Variants in WAC observed in about 807,000 individuals in gnomAD.
The protein encoded by WAC is WW domain containing adaptor with coiled-coil, also known as WW domain-containing adapter protein with coiled-coil.
In WAC, 11 loss-of-function variants were observed where a neutral mutation model predicts 79.6. The observed-to-expected ratio is 0.14, with a 90% CI of 0.09 to 0.23. The LOEUF (loss-of-function observed/expected upper bound fraction) is 0.23. Ranked by LOEUF, WAC falls within the 10% of genes least tolerant of loss-of-function variation. The pLI is 1.00. For synonymous variants in WAC, 304 were observed against 276.9 expected (o/e 1.10, Z -0.97); for missense variants, 728 against 773.5 (o/e 0.94, Z 0.70).
intron 7 of WAC, among the ~76,000 whole-genome samples, chr10:28,606,449 G>A (rs1297184894): frequency 6.6e-6 from 1 of 152,172 alleles, no homozygotes; most frequent in African/African-American, 2.4e-5. Context: ...CTGGATTCAA[G>A]CACCTTCCTT....
chr10:28,609,728 G>A (rs905411631), intron 8 of WAC, among the ~76,000 whole-genome samples: 3 of 152,108 alleles, frequency 2.0e-5, no homozygotes, highest in African/African-American at 7.2e-5. Context: ...CAAAAACTTA[G>A]CCAGGTGTGG....
At chr10:28,597,058 TGTTATATGCATGTAATACATG>T (rs1194130617) in intron 7 of WAC, among the ~76,000 whole-genome samples, 4 of 145,414 alleles carry the variant, frequency 2.8e-5, no homozygotes, top group African/African-American at 1.1e-4. Flanking sequence ...TCTTATTACA[TGTTATATGCATGTAATACATG>T]CATATGTATT....
Position 28,533,395 on chromosome 10 carries a change from C to G in WAC, c.-185C>G, listed in dbSNP as rs541839705. ...CCCCGGCTGAGAGTGAGCGTGGTGT[C>G]GACGGAGGGAGATGGCCCGGGAGCG... On this transcript the variant is annotated 5_prime_UTR_variant, in exon 1 of 14. Coordinates refer to ENST00000354911, the MANE Select transcript of WAC (RefSeq NM_016628.5). 24 of 162,148 alleles carry G rather than the reference C, an allele frequency of 1.5e-4. 1 individual carries two copies. The South Asian group carries it at 4.0e-3, about 27-fold the overall frequency. 10.0% of individuals were successfully genotyped at this position (162,148 alleles called of 1,614,324 possible).
At chr10:28,610,911 C>A (rs1337697676) in intron 9 of WAC, 90 bp downstream of exon 9, 2 of 1,256,084 alleles carry the variant, frequency 1.6e-6, no homozygotes, top group Non-Finnish European at 1.0e-6. Context: ...TTTTTTCTTT[C>A]ATTTTTTTTT....
chr10:28,577,735 A>T (rs2132592124), intron 3 of WAC, among the ~76,000 whole-genome samples: 1 of 152,240 alleles, frequency 6.6e-6, no homozygotes, highest in East Asian at 1.9e-4. Flanking sequence ...GTTTATTTTT[A>T]GCATATTGCC....
At chr10:28,614,476 A>T in intron 10 of WAC, 91 bp from the exon 11 acceptor site, 1 of 358,810 alleles carries the variant, frequency 2.8e-6, no homozygotes, top group Non-Finnish European at 4.4e-6. Context: ...TGACTGCCAC[A>T]TTTTACATGT....
chr10:28,563,205 G>A (rs780189614), intron 3 of WAC, among the ~76,000 whole-genome samples: 1 of 152,014 alleles, frequency 6.6e-6, no homozygotes, highest in East Asian at 1.9e-4. Context: ...GCATGTGGCC[G>A]AGCATTTTAG....
chr10:28,583,797 CT>C lies in WAC; in HGVS notation c.381+294del, dbSNP rs912918252. On this transcript the variant is annotated intron_variant, in intron 4 of 13. Coordinates refer to ENST00000354911, the MANE Select transcript of WAC (RefSeq NM_016628.5). ...GTTGTGATATCTGAGATAAAAAGAA[CT>C]TCAGGCTGAAACTTCTTTAAAGTGG... Among the ~76,000 whole-genome samples the C allele has an allele frequency of 2.0e-5, 3 of 152,078 alleles. No individual in the cohort carries two copies. The East Asian group carries it at 5.8e-4, about 29-fold the overall frequency.
intron 11 of WAC, chr10:28,615,612 C>T (rs1226700451): frequency 6.6e-6 from 1 of 152,186 alleles, no homozygotes; most frequent in African/African-American, 2.4e-5. Flanking sequence ...TTTTGGTTCT[C>T]ACCACCATAT....
intron 7 of WAC, among the ~76,000 whole-genome samples, chr10:28,605,343 C>A (rs1179053945): frequency 2.0e-5 from 3 of 152,184 alleles, no homozygotes; most frequent in African/African-American, 7.2e-5. Context: ...GCCCAGGCTT[C>A]CGTTCAGTAA....
intron 8 of WAC, among the ~76,000 whole-genome samples, chr10:28,609,407 C>G (rs142490732): frequency 6.6e-6 from 1 of 152,176 alleles, no homozygotes; most frequent in Non-Finnish European, 1.5e-5. Context: ...TACATTTTCA[C>G]ATAATATACT....
upstream of WAC, chr10:28,532,828 C>T (rs1282579579): frequency 6.5e-6 from 1 of 152,994 alleles, no homozygotes; most frequent in Non-Finnish European, 1.5e-5. Context: ...CGGAAGGCGG[C>T]TCCCTCCCTG....
chr10:28,558,641 C>T (rs1236012330), intron 3 of WAC, among the ~76,000 whole-genome samples: 1 of 152,148 alleles, frequency 6.6e-6, no homozygotes, highest in East Asian at 1.9e-4. Flanking sequence ...TGTTGTTCCT[C>T]ATTGCCTTCA....
At chr10:28,617,876 A>C in intron 13 of WAC, 92 bp downstream of exon 13, 15 of 1,393,604 alleles carry the variant, frequency 1.1e-5, no homozygotes, top group Non-Finnish European at 1.4e-5. Context: ...TATTTATGAA[A>C]TGTAAAGTTC....
At chr10:28,595,350 G>A (rs147106303) in intron 6 of WAC, among the ~76,000 whole-genome samples, 25 of 152,104 alleles carry the variant, frequency 1.6e-4, no homozygotes, top group African/African-American at 4.8e-4. Flanking sequence ...GTAAAAGAAC[G>A]AAGCATTTAC....
At chr10:28,556,458 C>T (rs1426109351) in intron 3 of WAC, among the ~76,000 whole-genome samples, 9 of 115,374 alleles carry the variant, frequency 7.8e-5, no homozygotes, top group Admixed American at 4.8e-4. Context: ...GGATACTTAA[C>T]CCCTTATCAC....
chr10:28,557,345 G>A (rs558875283), intron 3 of WAC, among the ~76,000 whole-genome samples: 1 of 152,138 alleles, frequency 6.6e-6, no homozygotes. Flanking sequence ...AGTGTCATTA[G>A]CTATATAAAG....
rs1839745686 is a variant in WAC at position 28,585,063 on chromosome 10, C to G, written c.381+1558C>G. Among the ~76,000 whole-genome samples the G allele has an allele frequency of 3.3e-5, 5 of 151,770 alleles. No individual in the cohort carries two copies. The South Asian group carries it at 1.0e-3, about 32-fold the overall frequency. On this transcript the variant is annotated intron_variant, in intron 4 of 13. Coordinates refer to ENST00000354911, the MANE Select transcript of WAC (RefSeq NM_016628.5). ...AGCCTGGGTGACAGAGCAAGACTGT[C>G]TCAAAAAAGAAAAGAAAATCATGTT... is the stretch of plus-strand genomic sequence containing the variant.
At chr10:28,588,286 A>G (rs1166228018) in intron 4 of WAC, among the ~76,000 whole-genome samples, 4 of 152,156 alleles carry the variant, frequency 2.6e-5, no homozygotes, top group African/African-American at 9.7e-5. Context: ...TCTGGAAGCT[A>G]GTGGGATTGA....
Sources: allele counts gnomAD v4.1 joint callset (sites outside exome capture counted in the v4.1 genomes callset), GRCh38; gene constraint gnomAD v4.1.1; transcripts MANE v1.5; gene names NCBI Gene and HGNC (gene_info 2026-07-23, HGNC 2026-07-21).